The following NPHP4 variants were observed in gnomAD, a reference collection of about 807,000 sequenced individuals.
NPHP4 encodes nephrocystin-4.
NPHP4 carries 151 observed loss-of-function variants against 155.8 expected under a neutral mutation model. The observed-to-expected ratio is 0.97, with a 90% CI of 0.85 to 1.11. NPHP4 has a LOEUF of 1.11. NPHP4 is among the 50% of genes least tolerant of loss of function. The pLI is 0.00. For missense variants in NPHP4, 1,956 were observed against 1,925.7 expected (o/e 1.02, Z -0.29); for synonymous variants, 845 against 816.8 (o/e 1.03, Z -0.59).
At chr1:5,927,919 T>G in intron 10 of NPHP4, 132 bp from the exon 11 acceptor site, 1 of 918,078 alleles carries the variant, frequency 1.1e-6, no homozygotes. Flanking sequence ...TGATGCCACA[T>G]GTTCTCAGAT....
At chr1:5,928,250 C>T (rs1297210713) in intron 10 of NPHP4, among the ~76,000 whole-genome samples, 1 of 152,152 alleles carries the variant, frequency 6.6e-6, no homozygotes, top group Non-Finnish European at 1.5e-5. Context: ...GACTGCTTCC[C>T]CAGCACTGTC....
rs1570211972 is a variant in NPHP4 at position 5,882,850 on chromosome 1, A to T, written c.2486-2611T>A. The T allele has an allele frequency of 6.6e-6, 1 of 151,394 alleles. No individual in the cohort carries two copies. The highest frequency in any genetic ancestry group is 1.5e-5 in the Non-Finnish European group (1 of 67,900). The allele number at this position is 151,394 out of a possible 1,614,324, so 9.4% of individuals were successfully genotyped here. On this transcript the variant is annotated intron_variant, in intron 18 of 29. Transcript: ENST00000378156. This position sits in a 1 kb window ranked among gnomAD's most constrained non-coding sequence, Gnocchi z 5.1. ...GAGGCTGCAGAGCCTCTGCCCAAACACCCTCCTCTCGCCTGCCAGGAATCC... is the reference window on the plus strand; with the variant it reads ...GAGGCTGCAGAGCCTCTGCCCAAACTCCCTCCTCTCGCCTGCCAGGAATCC...
chr1:5,901,638 T>G (rs1476129401), intron 16 of NPHP4, among the ~76,000 whole-genome samples: 2 of 152,256 alleles, frequency 1.3e-5, no homozygotes, highest in Non-Finnish European at 2.9e-5. Flanking sequence ...GGAGCATCTC[T>G]AAGTGGTTGG....
Position 5,944,786 on chromosome 1 carries a change from G to A in NPHP4, c.1119+2318C>T, listed in dbSNP as rs1031103532. On this transcript the variant is annotated intron_variant, in intron 9 of 29. Transcript: ENST00000378156. This position sits in a 1 kb window ranked among gnomAD's most constrained non-coding sequence, Gnocchi z 4.3. ...GAAGTCTGAGACCTGCCTGGCCAAC[G>A]TGGGAAAACCCCGTCTCTATTAAAA... Among the ~76,000 whole-genome samples, 11 of 152,164 alleles carry A rather than the reference G, an allele frequency of 7.2e-5. No individual in the cohort carries two copies. Among genetic ancestry groups the A allele is most frequent in the Admixed American group, 7.2e-4 (11 of 15,284 alleles).
chr1:5,883,123 G>A (rs575685266), intron 18 of NPHP4, among the ~76,000 whole-genome samples: 14 of 152,298 alleles, frequency 9.2e-5, no homozygotes, highest in African/African-American at 3.1e-4. Context: ...CACGATCAGG[G>A]TCCTCAAAGA....
chr1:5,873,879 C>T (rs1030052942), intron 22 of NPHP4: 3 of 218,184 alleles, frequency 1.4e-5, no homozygotes, highest in Non-Finnish European at 2.7e-5. Context: ...TCACACACTC[C>T]CTGCACATCT....
chr1:5,954,756 G>A (rs1222956116), intron 6 of NPHP4, among the ~76,000 whole-genome samples: 1 of 152,244 alleles, frequency 6.6e-6, no homozygotes, highest in African/African-American at 2.4e-5. Flanking sequence ...AGAAGAAAAC[G>A]GAAGAAGTGC....
chr1:5,904,793 T>C lies in NPHP4; in HGVS notation c.1967A>G (p.Asp656Gly), dbSNP rs1373954726. The change falls in exon 16 of 30, where the codon GAC becomes GGC. Residue 656 changes from aspartate (D) to glycine (G), a missense_variant. Asp to Gly is a moderately conservative substitution (Grantham distance 94). Transcript: ENST00000378156. ...QFLAFSRVAQ[D>G]CRGTSWPKTV... ...CTTTGGCCATGATGTTCCTCGGCAG[T>C]CCTGGGCCACTCTGAATCCAACAAC... 1.2e-6 allele frequency: 2 copies of C among 1,613,856 alleles called. No homozygotes were observed. Among genetic ancestry groups the C allele is most frequent in the Non-Finnish European group, 1.7e-6 (2 of 1,179,880 alleles).
At chr1:5,899,490 G>C (rs1415926672) in intron 16 of NPHP4, among the ~76,000 whole-genome samples, 1 of 152,214 alleles carries the variant, frequency 6.6e-6, no homozygotes, top group Non-Finnish European at 1.5e-5. Context: ...TGGTTCCCTT[G>C]GGGGAGGTGA....
chr1:5,942,530 C>CAAAA (rs71568632), intron 9 of NPHP4, among the ~76,000 whole-genome samples: 4 of 19,730 alleles, frequency 2.0e-4, no homozygotes, highest in Non-Finnish European at 3.1e-4. Context: ...GACTCCATCT[C>CAAAA]AAAAAAAAAA....
intron 11 of NPHP4, among the ~76,000 whole-genome samples, chr1:5,925,760 C>A (rs1289563512): frequency 6.6e-6 from 1 of 152,084 alleles, no homozygotes; most frequent in Non-Finnish European, 1.5e-5. Context: ...GGACTACAGG[C>A]GCCCGCCACC....
rs548417732 is a variant in NPHP4 at position 5,905,187 on chromosome 1, A to G, written c.1955+105T>C. 3.3e-6 allele frequency: 3 copies of G among 914,850 alleles called. No individual in the cohort carries two copies. In the South Asian group the frequency reaches 4.2e-5, roughly 13 times the overall value. 56.7% of individuals were successfully genotyped at this position (914,850 alleles called of 1,614,324 possible). On this transcript the variant is annotated intron_variant, in intron 15 of 29. Transcript: ENST00000378156. The surrounding 1 kb of genome is among the most constrained non-coding windows in gnomAD (Gnocchi z 4.0). Reference sequence around the variant, plus strand: ...ACAGATGGCACTCCCGAATCTACTAAGACCTCAGCACAGACAGTTCTGCCA... The same window carrying G: ...ACAGATGGCACTCCCGAATCTACTAGGACCTCAGCACAGACAGTTCTGCCA...
intron 9 of NPHP4, among the ~76,000 whole-genome samples, chr1:5,941,073 C>G (rs1380932119): frequency 1.3e-5 from 2 of 152,052 alleles, no homozygotes; most frequent in Non-Finnish European, 2.9e-5. Flanking sequence ...AAAATTAAAA[C>G]AGTATGGCCA....
At chr1:5,955,536 T>C (rs1367113204) in intron 6 of NPHP4, among the ~76,000 whole-genome samples, 1 of 152,266 alleles carries the variant, frequency 6.6e-6, no homozygotes, top group Admixed American at 6.5e-5. Flanking sequence ...ATCTACACAA[T>C]GGAGTACTTA....
chr1:5,948,284 A>C (rs1251119940), intron 7 of NPHP4, 33 bp from the exon 8 acceptor site: 5 of 1,496,720 alleles, frequency 3.3e-6, no homozygotes, highest in Admixed American at 4.3e-5. Context: ...GAGCCCCGGC[A>C]CAGACGGAAA....
At chr1:5,966,780 C>A (rs1490140120) in intron 5 of NPHP4, among the ~76,000 whole-genome samples, 1 of 152,186 alleles carries the variant, frequency 6.6e-6, no homozygotes, top group Non-Finnish European at 1.5e-5. Flanking sequence ...CCCTTCCTGT[C>A]ATCCTCCAGG....
At chr1:5,953,424 C>T (rs1305154405) in intron 6 of NPHP4, among the ~76,000 whole-genome samples, 7 of 152,254 alleles carry the variant, frequency 4.6e-5, no homozygotes, top group Non-Finnish European at 8.8e-5. Flanking sequence ...TTTTATAATT[C>T]GACAACTCAA....
intron 16 of NPHP4, among the ~76,000 whole-genome samples, chr1:5,901,113 G>T (rs192988568): frequency 1.3e-5 from 2 of 152,030 alleles, no homozygotes; most frequent in Admixed American, 6.6e-5. Flanking sequence ...CTGTTGGGGT[G>T]GGGGGAGGTC....
In NPHP4 at chr1:5,905,711, T is replaced by C; in HGVS notation, c.1684A>G (p.Thr562Ala). Reference sequence around the variant, plus strand: ...TCCTGTAACTGTTCGGCAATGGATGTTTCCAGGACCAGGGAGGTCTGGCTC... The same window carrying C: ...TCCTGTAACTGTTCGGCAATGGATGCTTCCAGGACCAGGGAGGTCTGGCTC... ...DLSQTSLVLE[T>A]SIAEQLQELP... Residue 562 changes from threonine to alanine, a missense_variant, in exon 14 of 30, where the codon ACA (threonine) becomes GCA (alanine). Thr to Ala is a moderately conservative substitution (Grantham distance 58). Transcript: ENST00000378156. This position sits in a 1 kb window ranked among gnomAD's most constrained non-coding sequence, Gnocchi z 4.0. 6.2e-7 allele frequency: 1 copy of C among 1,613,824 alleles called. No homozygotes were observed. The highest frequency in any genetic ancestry group is 8.5e-7 in the Non-Finnish European group (1 of 1,179,810).
Sources: gnomAD v4.1 joint callset for allele counts (sites outside exome capture counted in the v4.1 genomes callset) on GRCh38, gnomAD v4.1.1 for gene constraint, Gnocchi (gnomAD v3.1) non-coding constraint, MANE v1.5 for transcripts, NCBI Gene and HGNC (gene_info 2026-07-23, HGNC 2026-07-21) for gene names.